GTF3C5: variants seen among roughly 807,000 people sequenced by gnomAD.
GTF3C5 encodes general transcription factor IIIC subunit 5.
GTF3C5 carries 47 observed loss-of-function variants against 61.0 expected under a neutral mutation model. The observed-to-expected ratio is 0.77, with a 90% CI of 0.61 to 0.98. GTF3C5 has a LOEUF of 0.98. Ranked by LOEUF, GTF3C5 falls within the 50% of genes least tolerant of loss-of-function variation. GTF3C5 has a pLI of 0.00. For missense variants in GTF3C5, 659 were observed against 703.3 expected, an observed-to-expected ratio of 0.94 and a Z score of 0.71; for synonymous variants, 295 against 275.4, an observed-to-expected ratio of 1.07 and a Z score of -0.71.
At chr9:133,056,971 G>T in intron 10 of GTF3C5, 63 bp downstream of exon 10, 1 of 1,423,516 alleles carries the variant, frequency 7.0e-7, no homozygotes, top group Non-Finnish European at 9.3e-7. Flanking sequence ...AGACAGAGGT[G>T]TCCCTAAGGG....
chr9:133,035,560 A>G (rs1006921523), intron 1 of GTF3C5, among the ~76,000 whole-genome samples: 6 of 152,036 alleles, frequency 3.9e-5, no homozygotes, highest in Non-Finnish European at 7.3e-5. Flanking sequence ...TTTGGATAAC[A>G]TTTCTCTTTG....
At chr9:133,043,297 G>C (rs1389280825) in intron 2 of GTF3C5, among the ~76,000 whole-genome samples, 1 of 152,188 alleles carries the variant, frequency 6.6e-6, no homozygotes, top group Non-Finnish European at 1.5e-5. Flanking sequence ...CCAGCATCTT[G>C]CTGCTCTGTG....
intron 1 of GTF3C5, among the ~76,000 whole-genome samples, chr9:133,039,001 G>T (rs1194135488): frequency 2.0e-5 from 3 of 152,184 alleles, no homozygotes; most frequent in Non-Finnish European, 4.4e-5. Context: ...ACGGCTCTAG[G>T]TGCCTTACTT....
chr9:133,056,778 C>T lies in GTF3C5; in HGVS notation c.1263C>T (p.Ile421=), dbSNP rs1325419553. 3 of 1,604,358 alleles carry T rather than the reference C, an allele frequency of 1.9e-6. No homozygotes were observed. Among genetic ancestry groups the T allele is most frequent in the Admixed American group, 3.4e-5 (2 of 58,750 alleles). ...TCCCCACCCCCAGGTTGCAGAAGATCATTCACCGCAATGACGGGGCAGAGA... is the reference window on the plus strand; with the variant it reads ...TCCCCACCCCCAGGTTGCAGAAGATTATTCACCGCAATGACGGGGCAGAGA... ...CDLNVEELQK[I]IHRNDGAENS... Residue 421 remains isoleucine (I), a synonymous_variant, in exon 10 of 11, where the codon ATC becomes ATT. Transcript: ENST00000372097.
chr9:133,056,890 A>T lies in GTF3C5; in HGVS notation c.1375A>T (p.Ile459Phe). The part of the protein sequence containing the change: ...DTMSLMIRQT[I>F]RSKRPALFSS... Reference sequence around the variant, plus strand: ...CATGTCCCTCATGATCCGGCAGACCATCCGCTCCAAGAGGCCTGGTAAGAG... The same window carrying T: ...CATGTCCCTCATGATCCGGCAGACCTTCCGCTCCAAGAGGCCTGGTAAGAG... Residue 459 changes from isoleucine to phenylalanine, a missense_variant, in exon 10 of 11, where the codon ATC becomes TTC. Ile to Phe is a conservative substitution (Grantham distance 21, BLOSUM62 0). Transcript: ENST00000372097. The T allele has an allele frequency of 6.2e-7, 1 of 1,604,806 alleles. No individual in the cohort carries two copies. Among genetic ancestry groups the T allele is most frequent in the Non-Finnish European group, 8.5e-7 (1 of 1,175,816 alleles).
At chr9:133,042,622 A>C (rs773467339) in intron 2 of GTF3C5, among the ~76,000 whole-genome samples, 4 of 152,210 alleles carry the variant, frequency 2.6e-5, no homozygotes, top group Non-Finnish European at 5.9e-5. Flanking sequence ...CCCCCACCAC[A>C]GTGTTTTGAA....
At position 133,043,771 on chromosome 9, in the gene GTF3C5, C is replaced by A. The variant is rs140767076; in HGVS notation, c.417C>A (p.Gly139=). 6.2e-7 allele frequency: 1 copy of A among 1,614,134 alleles called. No homozygotes were observed. Among genetic ancestry groups the A allele is most frequent in the Admixed American group, 1.7e-5 (1 of 60,016 alleles). Residue 139 remains glycine, a synonymous_variant, in exon 3 of 11, where the codon GGC becomes GGA. Transcript: ENST00000372097. ...ACTTGGCTGTGCATACGGAAGCAGG[C>A]GGCAAGCATACGTCAATGTATGACA... ...FQYLAVHTEA[G]GKHTSMYDKV...
chr9:133,046,852 C>A lies in GTF3C5; in HGVS notation c.572+2926C>A, dbSNP rs1451922042. Reference sequence around the variant, plus strand: ...AGAACTTTCCAGACCAGGGGATTGGCGCATGCAAAGGAAGGCTGGGGAGGC... The same window carrying A: ...AGAACTTTCCAGACCAGGGGATTGGAGCATGCAAAGGAAGGCTGGGGAGGC... On this transcript the variant is annotated intron_variant, in intron 3 of 10. Coordinates refer to ENST00000372097, the MANE Select transcript of GTF3C5 (RefSeq NM_012087.4). Among the ~76,000 whole-genome samples the A allele has an allele frequency of 2.0e-5, 3 of 152,060 alleles. 1 individual carries two copies. The South Asian group carries it at 6.2e-4, about 32-fold the overall frequency.
intron 3 of GTF3C5, among the ~76,000 whole-genome samples, chr9:133,048,856 T>G (rs1223695966): frequency 6.6e-6 from 1 of 152,190 alleles, no homozygotes; most frequent in Non-Finnish European, 1.5e-5. Flanking sequence ...GTTTATCAGT[T>G]TCCAGCACCT....
chr9:133,051,355 C>G (rs969283585), intron 4 of GTF3C5, among the ~76,000 whole-genome samples: 15 of 152,254 alleles, frequency 9.9e-5, no homozygotes, highest in African/African-American at 3.1e-4. Context: ...AACCGTGCTG[C>G]CAGGCAGCCC....
At chr9:133,030,991 GGCCCTGCCAGAC>G (rs1849709314) in exon 1 of GTF3C5, 1 of 1,611,606 alleles carries the variant, frequency 6.2e-7, no homozygotes, top group African/African-American at 1.3e-5. Context: ...GACCCTGGCG[GGCCCTGCCAGAC>G]GCACAGGGAT....
chr9:133,034,847 C>T (rs576092582), intron 1 of GTF3C5, among the ~76,000 whole-genome samples: 6 of 152,290 alleles, frequency 3.9e-5, no homozygotes, highest in African/African-American at 1.2e-4. Flanking sequence ...TTGTTTCAAA[C>T]GTAGCAATGT....
Position 133,054,726 on chromosome 9 carries a change from A to G in GTF3C5, c.1084A>G (p.Thr362Ala). The stretch of plus-strand genomic sequence containing the variant: ...TCCCCACGCAGCCAGCCAGCTTGTC[A>G]CCATGCATGACCTGAAGCAGGGCCT... ...TVKKTSSQLV[T>A]MHDLKQGLGP... Residue 362 changes from threonine (T) to alanine (A), a missense_variant, in exon 8 of 11, where the codon ACC becomes GCC. By Grantham distance (58) the Thr-to-Ala change is moderately conservative (BLOSUM62 0). Coordinates refer to ENST00000372097, the MANE Select transcript of GTF3C5 (RefSeq NM_012087.4). 2 of 1,573,886 alleles carry G rather than the reference A, an allele frequency of 1.3e-6. No individual in the cohort carries two copies. Among genetic ancestry groups the G allele is most frequent in the Non-Finnish European group, 8.6e-7 (1 of 1,159,564 alleles).
At chr9:133,046,511 G>A (rs1417780364) in intron 3 of GTF3C5, among the ~76,000 whole-genome samples, 1 of 152,176 alleles carries the variant, frequency 6.6e-6, no homozygotes, top group Non-Finnish European at 1.5e-5. Flanking sequence ...GGGGCTCAGA[G>A]CAGTTTTCTT....
Position 133,053,903 on chromosome 9 carries a change from CA to C in GTF3C5, c.951del (p.Val318SerfsTer10). 6.2e-7 allele frequency: 1 copy of C among 1,613,068 alleles called. No homozygotes were observed. Among genetic ancestry groups the C allele is most frequent in the Non-Finnish European group, 8.5e-7 (1 of 1,179,108 alleles). On this transcript the variant is annotated frameshift_variant, in exon 6 of 11. Coordinates refer to ENST00000372097, the MANE Select transcript of GTF3C5 (RefSeq NM_012087.4). LOFTEE classifies it high-confidence loss of function. ...PRKNPDAKIY[Q>X]VLDFRIRCGM... ...AAAAAACCCAGATGCCAAGATTTAT[CA>C]AGTCCTCGATTTCCGAATCCGTTGT... is the stretch of plus-strand genomic sequence containing the variant.
chr9:133,041,972 TG>T (rs1191366185), intron 1 of GTF3C5, 114 bp from the exon 2 acceptor site: 4 of 686,406 alleles, frequency 5.8e-6, no homozygotes, highest in Non-Finnish European at 1.0e-5. Context: ...GAATGAAACA[TG>T]AGCCTCCTGG....
At chr9:133,051,280 A>G (rs1224143004) in intron 4 of GTF3C5, among the ~76,000 whole-genome samples, 1 of 152,244 alleles carries the variant, frequency 6.6e-6, no homozygotes, top group Non-Finnish European at 1.5e-5. Flanking sequence ...CCATTCACTC[A>G]TTGCAGCCAA....
chr9:133,054,308 C>G, intron 6 of GTF3C5, 100 bp from the exon 7 acceptor site: 1 of 954,958 alleles, frequency 1.0e-6, no homozygotes, highest in South Asian at 1.4e-5. Context: ...CTCTCAGGAG[C>G]TGGCCCCATG....
chr9:133,037,460 G>A (rs1024465255), intron 1 of GTF3C5, among the ~76,000 whole-genome samples: 2 of 152,144 alleles, frequency 1.3e-5, no homozygotes, highest in Non-Finnish European at 2.9e-5. Flanking sequence ...GCCTTCTAAG[G>A]GGATGGGATA....
Sources: gnomAD v4.1 joint callset for allele counts (sites outside exome capture counted in the v4.1 genomes callset) on GRCh38, gnomAD v4.1.1 for gene constraint, MANE v1.5 for transcripts, NCBI Gene and HGNC (gene_info 2026-07-23, HGNC 2026-07-21) for gene names.